CCDC171: variants seen among roughly 807,000 people sequenced by gnomAD.
CCDC171 encodes the protein coiled-coil domain-containing protein 171.
In CCDC171, 177 loss-of-function variants were observed where a neutral mutation model predicts 168.2. The ratio of observed to expected loss-of-function variants is 1.05; its 90% confidence interval spans 0.93 to 1.19. The LOEUF (loss-of-function observed/expected upper bound fraction) is 1.19, where lower values mean the gene tolerates loss of function less well. Among genes scored for constraint, CCDC171 ranks in the 50% most tolerant of loss-of-function variants. The pLI is 0.00. For synonymous variants in CCDC171, 687 were observed against 540.8 expected (o/e 1.27, Z -3.75); for missense variants, 1,991 against 1,539.0 (o/e 1.29, Z -4.91).
At position 15,985,760 on chromosome 9, in the gene CCDC171, G is replaced by GCT. The variant is rs1336199149; in HGVS notation, n.369-34829_369-34828insCT. ...ATTTATTTCTGATCTTCCCATGAGA[G>GCT]GCAGAGGTAATTCAGTACTTATTTA... On this transcript the variant is annotated intron_variant and non_coding_transcript_variant, in intron 3 of 9. Coordinates refer to the CCDC171 transcript ENST00000486641. 5.9e-5 allele frequency among the ~76,000 whole-genome samples: 9 copies of GCT among 152,280 alleles called. No individual in the cohort carries two copies. The East Asian group carries it at 1.5e-3, about 26-fold the overall frequency.
intron 6 of CCDC171, among the ~76,000 whole-genome samples, chr9:15,598,512 G>T (rs2042562943): frequency 6.6e-6 from 1 of 152,252 alleles, no homozygotes; most frequent in East Asian, 1.9e-4. Context: ...TGGTCTGAGA[G>T]ACAGTTTGTT....
chr9:16,003,947 G>C (rs2132958421), intron 3 of CCDC171, among the ~76,000 whole-genome samples: 1 of 152,340 alleles, frequency 6.6e-6, no homozygotes, highest in Non-Finnish European at 1.5e-5. Context: ...GGGGAGTCTG[G>C]ATTGGTTTAC....
intron 7 of CCDC171, among the ~76,000 whole-genome samples, chr9:15,635,816 A>G (rs1026108021): frequency 1.3e-5 from 2 of 152,150 alleles, no homozygotes; most frequent in African/African-American, 4.8e-5. Context: ...TAGGAGAGGA[A>G]TTGCTGGGTC....
chr9:16,030,707 G>A (rs1047641250), intron 6 of CCDC171, among the ~76,000 whole-genome samples: 7 of 152,176 alleles, frequency 4.6e-5, no homozygotes, highest in African/African-American at 1.7e-4. Context: ...ACAGAATGCA[G>A]AGGACCTGAC....
intron 3 of CCDC171, among the ~76,000 whole-genome samples, chr9:15,983,511 T>TGAGAGAGAGA (rs139449191): frequency 7.3e-6 from 1 of 137,288 alleles, no homozygotes; most frequent in Admixed American, 7.2e-5. Context: ...TGTGTGTGTG[T>TGAGAGAGAGA]GAGAGAGAGA....
intron 25 of CCDC171, among the ~76,000 whole-genome samples, chr9:15,943,987 C>T (rs1036376658): frequency 1.9e-4 from 29 of 151,884 alleles, no homozygotes; most frequent in Admixed American, 6.6e-4. Context: ...CTATGTGAAC[C>T]GAAACAGGAT....
intron 21 of CCDC171, among the ~76,000 whole-genome samples, chr9:15,792,606 C>A (rs191273860): frequency 6.6e-6 from 1 of 152,158 alleles, no homozygotes; most frequent in Non-Finnish European, 1.5e-5. Context: ...GGAAGCCCAT[C>A]AGACTAACAG....
At chr9:15,851,911 G>A (rs34742654) in intron 23 of CCDC171, among the ~76,000 whole-genome samples, 37,756 of 151,582 alleles carry the variant, frequency 0.25, 5,100 homozygotes, top group African/African-American at 0.35. Context: ...GTATTGATAC[G>A]TCATACCCTT....
At chr9:16,097,257 C>G in the CCDC171 span, among the ~76,000 whole-genome samples, 1 of 152,142 alleles carries the variant, frequency 6.6e-6, no homozygotes, top group African/African-American at 2.4e-5. Flanking sequence ...GAAATTGGTT[C>G]CCACTTAGGT....
intron 4 of CCDC171, among the ~76,000 whole-genome samples, chr9:15,582,698 C>T (rs1225567396): frequency 4.6e-5 from 7 of 151,894 alleles, no homozygotes; most frequent in East Asian, 1.9e-4. Context: ...AACCAAACAG[C>T]GCATGTTCTC....
Position 15,695,259 on chromosome 9 carries a change from G to GT in CCDC171, c.1241dup (p.Glu415ArgfsTer4), listed in dbSNP as rs747596055. The GT allele has an allele frequency of 5.6e-6, 9 of 1,613,846 alleles. No homozygotes were observed. The South Asian group carries it at 9.9e-5, about 18-fold the overall frequency. On this transcript the variant is annotated frameshift_variant, in exon 11 of 26. Coordinates refer to ENST00000380701, the MANE Select transcript of CCDC171 (RefSeq NM_173550.4). LOFTEE classifies it high-confidence loss of function. ...GGCTAAGAAGCACCAGGCCTTCCTA[G>GT]TAGAGACATGTGAAAATAACGTGAA... is the stretch of plus-strand genomic sequence containing the variant.
intron 6 of CCDC171, among the ~76,000 whole-genome samples, chr9:16,024,883 G>A (rs1018712824): frequency 6.6e-6 from 1 of 152,220 alleles, no homozygotes; most frequent in African/African-American, 2.4e-5. Flanking sequence ...CTGAGAACCT[G>A]CTATTTGGAT....
intron 25 of CCDC171, among the ~76,000 whole-genome samples, chr9:15,957,291 G>A (rs947146668): frequency 6.6e-6 from 1 of 152,094 alleles, no homozygotes; most frequent in Non-Finnish European, 1.5e-5. Flanking sequence ...GCATGTTAGG[G>A]GCCTGGTAAA....
intron 24 of CCDC171, among the ~76,000 whole-genome samples, chr9:15,915,593 T>G (rs2987061): frequency 6.6e-6 from 1 of 151,966 alleles, no homozygotes; most frequent in African/African-American, 2.4e-5. Context: ...TTGCCAATTA[T>G]GATACCTGTT....
chr9:16,024,325 G>C (rs1166451552), intron 6 of CCDC171, among the ~76,000 whole-genome samples: 1 of 152,122 alleles, frequency 6.6e-6, no homozygotes, highest in East Asian at 1.9e-4. Flanking sequence ...CCTCAAACTG[G>C]ACCAGGCCCA....
At chr9:16,006,734 A>C (rs1199132802) in intron 3 of CCDC171, among the ~76,000 whole-genome samples, 2 of 152,094 alleles carry the variant, frequency 1.3e-5, no homozygotes, top group Non-Finnish European at 2.9e-5. Context: ...TTCCAGCTTC[A>C]TCCATGTCCC....
chr9:15,769,688 C>T (rs193019266), intron 18 of CCDC171, among the ~76,000 whole-genome samples: 4 of 152,324 alleles, frequency 2.6e-5, no homozygotes, highest in East Asian at 1.9e-4. Context: ...TAGTCTCCCC[C>T]GTACCAACGG....
At chr9:15,898,769 T>A (rs74969792) in intron 24 of CCDC171, among the ~76,000 whole-genome samples, 2 of 152,108 alleles carry the variant, frequency 1.3e-5, no homozygotes, top group Admixed American at 6.6e-5. Flanking sequence ...TGTGTACGCT[T>A]TATCCAGCTT....
chr9:15,856,048 G>C (rs7873012), intron 23 of CCDC171, among the ~76,000 whole-genome samples: 13,710 of 151,820 alleles, frequency 0.09, 698 homozygotes, highest in African/African-American at 0.13. Context: ...TTACTGTCTA[G>C]TATCCTTTCA....
Sources: allele counts gnomAD v4.1 joint callset (sites outside exome capture counted in the v4.1 genomes callset), GRCh38; gene constraint gnomAD v4.1.1; transcripts MANE v1.5; gene names NCBI Gene and HGNC (gene_info 2026-07-23, HGNC 2026-07-21).